Variants in DMD observed in about 807,000 individuals in gnomAD.
The protein encoded by DMD is dystrophin.
DMD carries 63 observed loss-of-function variants against 330.1 expected under a neutral mutation model. The observed-to-expected ratio is 0.19, with a 90% CI of 0.16 to 0.24. DMD has a LOEUF of 0.24. Ranked by LOEUF, DMD falls within the 10% of genes least tolerant of loss-of-function variation. The pLI is 1.00. For missense variants in DMD, 3,344 were observed against 2,684.1 expected, an observed-to-expected ratio of 1.25 and a Z score of -5.43; for synonymous variants, 1,223 against 959.8, an observed-to-expected ratio of 1.27 and a Z score of -5.07.
upstream of DMD, among the ~76,000 whole-genome samples, chrX:33,212,845 T>A (rs2051969903): frequency 8.9e-6 from 1 of 111,802 alleles, no homozygotes; most frequent in Non-Finnish European, 1.9e-5. Flanking sequence ...AAAATTTTCA[T>A]AAAACAACAT....
chrX:32,513,527 C>T (rs2045554148), intron 18 of DMD, among the ~76,000 whole-genome samples: 1 of 111,929 alleles, frequency 8.9e-6, no homozygotes, highest in African/African-American at 3.3e-5. Context: ...TTAATTGAAC[C>T]TGTCAAAGAT....
intron 1 of DMD, among the ~76,000 whole-genome samples, chrX:33,193,562 A>G (rs2050771775): frequency 8.9e-6 from 1 of 112,374 alleles, no homozygotes; most frequent in Non-Finnish European, 1.9e-5. Flanking sequence ...TTATACTTCT[A>G]TTAGAAAGGC....
At chrX:32,714,622 G>C (rs1355087148) in intron 7 of DMD, among the ~76,000 whole-genome samples, 1 of 111,517 alleles carries the variant, frequency 9.0e-6, no homozygotes, top group Non-Finnish European at 1.9e-5. Context: ...GAACATGCGA[G>C]TGTGACTGAA....
chrX:32,477,456 T>G (rs1159482925), intron 21 of DMD, among the ~76,000 whole-genome samples: 1 of 110,048 alleles, frequency 9.1e-6, no homozygotes, highest in East Asian at 2.8e-4. Context: ...TGTCTTTAAC[T>G]CTTAAAAGAG....
intron 64 of DMD, among the ~76,000 whole-genome samples, chrX:31,222,392 C>CAAAAAAAAAA (rs57227723): frequency 1.9e-4 from 4 of 20,619 alleles, no homozygotes; most frequent in African/African-American, 4.9e-4. Context: ...GACTCCATCT[C>CAAAAAAAAAA]AAAAAAAAAA....
At chrX:32,773,270 T>A (rs756734063) in intron 7 of DMD, among the ~76,000 whole-genome samples, 2 of 110,580 alleles carry the variant, frequency 1.8e-5, no homozygotes, top group East Asian at 5.6e-4. Flanking sequence ...TCGTTAATTA[T>A]TTTAGTTATT....
At chrX:32,577,816 T>A (rs761290882) in intron 13 of DMD, among the ~76,000 whole-genome samples, 1 of 112,593 alleles carries the variant, frequency 8.9e-6, no homozygotes, top group South Asian at 3.7e-4. Flanking sequence ...AAGGCAGGCA[T>A]AGTGCTTTCC....
chrX:32,889,116 A>C (rs917609800), intron 2 of DMD, among the ~76,000 whole-genome samples: 4 of 110,353 alleles, frequency 3.6e-5, no homozygotes, highest in African/African-American at 1.3e-4. Context: ...ATTGGGTCCC[A>C]TTCCAGAGTC....
At chrX:33,120,747 G>T (rs2095418096) in intron 1 of DMD, among the ~76,000 whole-genome samples, 1 of 108,868 alleles carries the variant, frequency 9.2e-6, no homozygotes, top group Admixed American at 9.9e-5. Context: ...CAGGTGTGGT[G>T]GCGTGTGCCT....
chrX:32,534,876 T>C (rs1005279838), intron 17 of DMD, among the ~76,000 whole-genome samples: 1 of 111,245 alleles, frequency 9.0e-6, no homozygotes, highest in Non-Finnish European at 1.9e-5. Flanking sequence ...CCTGGCATCA[T>C]TTTTATATCT....
In DMD at chrX:31,182,719, T is replaced by TC; in HGVS notation, c.9974+18_9974+19insG. ...AAATGATGAGAAAAAAATGACATTT[T>TC]TTTTTTGGTTCCTAATACCTGAATC... On this transcript the variant is annotated intron_variant, in intron 68 of 78. Coordinates refer to ENST00000357033, the MANE Select transcript of DMD (RefSeq NM_004006.3). 1.7e-6 allele frequency: 2 copies of TC among 1,201,264 alleles called. No individual in the cohort carries two copies. Among genetic ancestry groups the TC allele is most frequent in the South Asian group, 1.8e-5 (1 of 56,582 alleles).
chrX:33,149,587 G>A (rs1010322699), intron 1 of DMD, among the ~76,000 whole-genome samples: 9 of 111,426 alleles, frequency 8.1e-5, no homozygotes, highest in South Asian at 3.8e-4. Context: ...TATATTTTCC[G>A]TCTTTTGTAT....
intron 55 of DMD, among the ~76,000 whole-genome samples, chrX:31,573,247 C>A (rs1206947035): frequency 9.0e-6 from 1 of 111,678 alleles, no homozygotes; most frequent in Non-Finnish European, 1.9e-5. Context: ...TTTTTTACTG[C>A]AAAATATTCG....
At chrX:31,283,782 A>G (rs1452256929) in intron 62 of DMD, among the ~76,000 whole-genome samples, 1 of 111,883 alleles carries the variant, frequency 8.9e-6, no homozygotes, top group African/African-American at 3.2e-5. Context: ...ATGCTGTAAC[A>G]CCTTCCTTTC....
At chrX:32,384,673 T>G (rs1389960514) in intron 33 of DMD, among the ~76,000 whole-genome samples, 1 of 110,972 alleles carries the variant, frequency 9.0e-6, no homozygotes, top group Non-Finnish European at 1.9e-5. Flanking sequence ...GATATAACCT[T>G]CAATCTACTT....
intron 18 of DMD, among the ~76,000 whole-genome samples, chrX:32,511,695 G>A (rs931446694): frequency 1.8e-5 from 2 of 109,491 alleles, no homozygotes; most frequent in African/African-American, 6.6e-5. Context: ...CTTAAATTTC[G>A]TCCTCATGAA....
intron 60 of DMD, among the ~76,000 whole-genome samples, chrX:31,408,248 C>A (rs1421690247): frequency 1.8e-5 from 2 of 112,046 alleles, no homozygotes; most frequent in African/African-American, 3.2e-5. Context: ...CACTAGAGTA[C>A]TGAATCTGGC....
chrX:32,221,309 A>G (rs2097131116), intron 43 of DMD, among the ~76,000 whole-genome samples: 2 of 105,628 alleles, frequency 1.9e-5, no homozygotes, highest in South Asian at 8.5e-4. Flanking sequence ...GGTGAGGAGG[A>G]GGGACCTGAG....
intron 44 of DMD, among the ~76,000 whole-genome samples, chrX:32,046,412 G>T (rs1245731444): frequency 2.7e-5 from 3 of 112,242 alleles, no homozygotes; most frequent in Non-Finnish European, 5.6e-5. Context: ...TGTTCTTTTT[G>T]CATTAAAAGT....
Sources: gnomAD v4.1 joint callset for allele counts (sites outside exome capture counted in the v4.1 genomes callset) on GRCh38, gnomAD v4.1.1 for gene constraint, MANE v1.5 for transcripts, NCBI Gene and HGNC (gene_info 2026-07-23, HGNC 2026-07-21) for gene names.